CLHC1: variants seen among roughly 807,000 people sequenced by gnomAD.
CLHC1 encodes clathrin heavy chain linker domain-containing protein 1.
In CLHC1, 72 loss-of-function variants were observed where a neutral mutation model predicts 69.5. That is an observed-to-expected ratio of 1.04 (90% CI 0.86 to 1.26). CLHC1 has a LOEUF of 1.26. Ranked by LOEUF, CLHC1 falls within the 50% of genes most tolerant of loss-of-function variation. The pLI, the probability that CLHC1 is intolerant of heterozygous loss-of-function variation, is 0.00. For missense variants in CLHC1, 790 were observed against 679.3 expected (o/e 1.16, Z -1.81); for synonymous variants, 223 against 224.3 (o/e 0.99, Z 0.05).
intron 11 of CLHC1, among the ~76,000 whole-genome samples, chr2:55,180,160 A>T (rs187909032): frequency 0.018 from 2,684 of 151,612 alleles, 75 homozygotes; most frequent in African/African-American, 0.057. Context: ...CTCAAAAAAA[A>T]ATATATATAT....
intron 9 of CLHC1, among the ~76,000 whole-genome samples, chr2:55,200,826 G>A (rs1573673854): frequency 6.6e-6 from 1 of 152,096 alleles, no homozygotes. Context: ...ATAATATCAA[G>A]CATCTTCTCT....
At chr2:55,202,792 G>A (rs1413609983) in intron 9 of CLHC1, among the ~76,000 whole-genome samples, 3 of 151,266 alleles carry the variant, frequency 2.0e-5, no homozygotes, top group Non-Finnish European at 2.9e-5. Context: ...CCAGCGACTC[G>A]GGAGGCTGAG....
intron 9 of CLHC1, among the ~76,000 whole-genome samples, chr2:55,200,170 GTGTGC>G (rs1671802946): frequency 6.8e-6 from 1 of 146,976 alleles, no homozygotes; most frequent in Non-Finnish European, 1.5e-5. Flanking sequence ...TGAGACTGCA[GTGTGC>G]TGTGTTCATA....
intron 3 of CLHC1, among the ~76,000 whole-genome samples, chr2:55,220,655 A>T (rs559203902): frequency 2.0e-5 from 3 of 152,328 alleles, no homozygotes; most frequent in African/African-American, 7.2e-5. Context: ...CTATAACTAT[A>T]TTAATGTAAA....
At position 55,209,516 on chromosome 2, in the gene CLHC1, A is replaced by C; in HGVS notation, c.702T>G (p.Cys234Trp). The C allele has an allele frequency of 6.2e-7, 1 of 1,602,174 alleles. No homozygotes were observed. The highest frequency in any genetic ancestry group is 8.5e-7 in the Non-Finnish European group (1 of 1,172,842). The change falls in exon 7 of 13, where the codon TGT (cysteine) becomes TGG (tryptophan). Residue 234 changes from cysteine (C) to tryptophan (W), a missense_variant and splice_region_variant. Coordinates refer to ENST00000401408, the MANE Select transcript of CLHC1 (RefSeq NM_152385.4). ...AENLNKKLQF[C>W]HQRLQIISQA... The stretch of plus-strand genomic sequence containing the variant: ...GTGAAATTATCTGCAGTCTTTGATG[A>C]CTAAAAAGATAAAAAACGTCAATAA...
chr2:55,191,203 AG>A (rs1246058492), intron 9 of CLHC1, among the ~76,000 whole-genome samples: 2 of 152,206 alleles, frequency 1.3e-5, no homozygotes, highest in African/African-American at 4.8e-5. Context: ...AAAAGATTAA[AG>A]GTAGTTTTAG....
chr2:55,209,686 A>C lies in CLHC1; in HGVS notation c.645T>G (p.Ile215Met). ...QRKADLDEEMIVLLKRRDVAE... is the reference protein window; with the variant it reads ...QRKADLDEEMMVLLKRRDVAE... ...CTACATCTCGCCGTTTTAATAACACAATCATTTCTTCATCTAAATCAGCCT... is the reference window on the plus strand; with the variant it reads ...CTACATCTCGCCGTTTTAATAACACCATCATTTCTTCATCTAAATCAGCCT... Residue 215 changes from isoleucine (I) to methionine (M), a missense_variant, in exon 6 of 13, where the codon ATT (isoleucine) becomes ATG (methionine). By Grantham distance (10) the Ile-to-Met change is conservative. Transcript: ENST00000401408. The C allele has an allele frequency of 6.2e-7, 1 of 1,614,126 alleles. No individual in the cohort carries two copies. Among genetic ancestry groups the C allele is most frequent in the East Asian group, 2.2e-5 (1 of 44,868 alleles).
In CLHC1 at chr2:55,206,355, A is replaced by G. The variant is rs757038566; in HGVS notation, c.921T>C (p.Leu307=). 2 of 1,603,464 alleles carry G rather than the reference A, an allele frequency of 1.2e-6. No homozygotes were observed. Among genetic ancestry groups the G allele is most frequent in the Non-Finnish European group, 1.7e-6 (2 of 1,171,208 alleles). ...YIERFNELIS[L]GEYEKAACYA... is the part of the protein sequence containing the mutation. Reference sequence around the variant, plus strand: ...AACAAGCTGCCTTTTCATATTCACCAAGTGAGATTAACTCATTAAACCTAT... The same window carrying G: ...AACAAGCTGCCTTTTCATATTCACCGAGTGAGATTAACTCATTAAACCTAT... Residue 307 remains leucine (L), a synonymous_variant, in exon 9 of 13, where the codon CTT becomes CTC. Coordinates refer to ENST00000401408, the MANE Select transcript of CLHC1 (RefSeq NM_152385.4).
chr2:55,224,618 AC>A, intron 2 of CLHC1: 1 of 252,790 alleles, frequency 4.0e-6, no homozygotes, highest in Non-Finnish European at 8.1e-6. Flanking sequence ...GGCGGGAGGA[AC>A]CCCCGCAGTG....
chr2:55,191,426 G>A (rs564944397), intron 9 of CLHC1, among the ~76,000 whole-genome samples: 1 of 152,170 alleles, frequency 6.6e-6, no homozygotes, highest in Admixed American at 6.5e-5. Flanking sequence ...AGTAGAGACG[G>A]GGTTTCACCA....
intron 5 of CLHC1, among the ~76,000 whole-genome samples, chr2:55,210,211 T>C (rs946430069): frequency 6.6e-6 from 1 of 151,658 alleles, no homozygotes; most frequent in Admixed American, 6.6e-5. Flanking sequence ...TTTTTATTTT[T>C]TTTGAGATGG....
intron 5 of CLHC1, among the ~76,000 whole-genome samples, chr2:55,210,259 C>G (rs898615630): frequency 6.6e-6 from 1 of 151,846 alleles, no homozygotes; most frequent in African/African-American, 2.4e-5. Context: ...TGCAGTGGTG[C>G]AATCTCAGCT....
chr2:55,181,449 T>C (rs999573882), intron 10 of CLHC1, 121 bp downstream of exon 10: 20 of 775,974 alleles, frequency 2.6e-5, no homozygotes, highest in Admixed American at 1.5e-4. Flanking sequence ...TTCTGATTAA[T>C]TGCAATAGGG....
At chr2:55,191,871 G>A (rs1222199828) in intron 9 of CLHC1, among the ~76,000 whole-genome samples, 1 of 152,072 alleles carries the variant, frequency 6.6e-6, no homozygotes, top group Admixed American at 6.6e-5. Flanking sequence ...GTGTGGTGGT[G>A]CACACCTGCA....
At chr2:55,228,606 A>G (rs951849630) in intron 1 of CLHC1, among the ~76,000 whole-genome samples, 1 of 152,252 alleles carries the variant, frequency 6.6e-6, no homozygotes, top group Non-Finnish European at 1.5e-5. Flanking sequence ...AGAGGTAAGC[A>G]CAATAGGCTA....
intron 2 of CLHC1, among the ~76,000 whole-genome samples, chr2:55,226,257 A>G (rs1674700432): frequency 6.6e-6 from 1 of 152,146 alleles, no homozygotes; most frequent in Admixed American, 6.6e-5. Context: ...AGTTGGATAC[A>G]GAAGTTGGTG....
At chr2:55,191,974 T>C (rs1245473368) in intron 9 of CLHC1, among the ~76,000 whole-genome samples, 1 of 152,062 alleles carries the variant, frequency 6.6e-6, no homozygotes, top group Non-Finnish European at 1.5e-5. Flanking sequence ...GAATAACCAC[T>C]GCACTCCAGC....
intron 3 of CLHC1, among the ~76,000 whole-genome samples, chr2:55,220,844 G>C (rs1674042023): frequency 6.6e-6 from 1 of 152,052 alleles, no homozygotes; most frequent in African/African-American, 2.4e-5. Context: ...TTCATTCAAT[G>C]CATTCCTTAA....
chr2:55,184,635 G>A lies in CLHC1; in HGVS notation c.1007-2891C>T, dbSNP rs560299969. ...ATGAAAGATTTCTTAGGCCAGGCGC[G>A]GTGGCTCACACCTGTAATCCCAGCA... On this transcript the variant is annotated intron_variant, in intron 9 of 12. Transcript: ENST00000401408. Among the ~76,000 whole-genome samples the A allele has an allele frequency of 2.6e-5, 4 of 152,048 alleles. 1 individual carries two copies. Among genetic ancestry groups the A allele is most frequent in the African/African-American group, 7.2e-5 (3 of 41,458 alleles).
Sources: allele counts gnomAD v4.1 joint callset (sites outside exome capture counted in the v4.1 genomes callset), GRCh38; gene constraint gnomAD v4.1.1; transcripts MANE v1.5; gene names NCBI Gene and HGNC (gene_info 2026-07-23, HGNC 2026-07-21).